Variants in EYS observed in about 807,000 individuals in gnomAD.
EYS encodes the protein protein eyes shut homolog.
Under a neutral mutation model 282.1 loss-of-function variants are expected in EYS, and 250 were observed. The ratio of observed to expected loss-of-function variants is 0.89; its 90% CI spans 0.80 to 0.98. The LOEUF is 0.98. EYS is among the 50% of genes least tolerant of loss of function. EYS has a pLI of 0.00. For synonymous variants in EYS, 1,355 were observed against 1,282.9 expected (o/e 1.06, Z -1.20); for missense variants, 4,016 against 3,709.0 (o/e 1.08, Z -2.15).
chr6:64,945,761 T>A, intron 15 of EYS, 32 bp downstream of exon 15: 1 of 1,543,000 alleles, frequency 6.5e-7, no homozygotes, highest in East Asian at 2.5e-5. Context: ...TCCAAGTAAT[T>A]TCATGAAGAA....
chr6:64,952,378 G>T (rs1372417022), intron 14 of EYS, among the ~76,000 whole-genome samples: 1 of 152,020 alleles, frequency 6.6e-6, no homozygotes, highest in East Asian at 1.9e-4. Flanking sequence ...TAATTTCAAG[G>T]CACATCAGAA....
intron 11 of EYS, among the ~76,000 whole-genome samples, chr6:65,321,454 G>T (rs1176598286): frequency 6.6e-6 from 1 of 152,066 alleles, no homozygotes; most frequent in East Asian, 1.9e-4. Flanking sequence ...TTCCAAGATT[G>T]AGGGCAGAGG....
At chr6:65,013,113 G>T (rs181790030) in intron 13 of EYS, among the ~76,000 whole-genome samples, 252 of 152,206 alleles carry the variant, frequency 1.7e-3, no homozygotes, top group African/African-American at 5.5e-3. Flanking sequence ...AAGTTCCCAT[G>T]CATACCCTTT....
chr6:63,844,566 T>C (rs2149699333), intron 36 of EYS, among the ~76,000 whole-genome samples: 2 of 152,330 alleles, frequency 1.3e-5, no homozygotes, highest in Middle Eastern at 6.8e-3. Flanking sequence ...TGTAAGAGGA[T>C]ATCTCATTGT....
chr6:64,173,206 C>T lies in EYS; in HGVS notation c.6424+57386G>A, dbSNP rs566101022. On this transcript the variant is annotated intron_variant, in intron 31 of 42. Transcript: ENST00000503581. ...CAGTGAAAATTAAATGACTTCATAT[C>T]TGTAAAGTTCTTGTCATAATGCCTA... 8.5e-4 allele frequency among the ~76,000 whole-genome samples: 129 copies of T among 152,246 alleles called. 4 individuals carry two copies. In the South Asian group the frequency reaches 0.027, roughly 32 times the overall value.
intron 2 of EYS, among the ~76,000 whole-genome samples, chr6:65,602,848 C>A (rs1263512665): frequency 6.6e-6 from 1 of 151,886 alleles, no homozygotes; most frequent in African/African-American, 2.4e-5. Flanking sequence ...GCGTGACACA[C>A]TTTTAAGTTT....
intron 1 of EYS, among the ~76,000 whole-genome samples, chr6:65,670,941 C>A (rs1375852073): frequency 6.6e-6 from 1 of 151,608 alleles, no homozygotes; most frequent in Non-Finnish European, 1.5e-5. Flanking sequence ...CATTTAACAA[C>A]CCATCTTTTA....
intron 11 of EYS, among the ~76,000 whole-genome samples, chr6:65,311,730 ATATT>A (rs1251883806): frequency 6.6e-6 from 1 of 152,190 alleles, no homozygotes; most frequent in African/African-American, 2.4e-5. Flanking sequence ...TACTAATACA[ATATT>A]TATCCTCTGT....
intron 26 of EYS, among the ~76,000 whole-genome samples, chr6:64,500,554 T>A (rs573359355): frequency 6.6e-6 from 1 of 152,254 alleles, no homozygotes; most frequent in Admixed American, 6.5e-5. Context: ...TGGCAAAATT[T>A]TTTTGTGTCA....
chr6:64,868,669 G>A (rs1429550304), intron 19 of EYS, among the ~76,000 whole-genome samples: 1 of 151,484 alleles, frequency 6.6e-6, no homozygotes, highest in Admixed American at 6.6e-5. Flanking sequence ...TCTCCATATG[G>A]AAGGAGGATA....
intron 15 of EYS, among the ~76,000 whole-genome samples, chr6:64,920,599 C>T (rs1193229623): frequency 6.6e-6 from 1 of 151,892 alleles, no homozygotes; most frequent in African/African-American, 2.4e-5. Context: ...GCATCTTTTT[C>T]AATGCTTAAA....
rs530501046 is a variant in EYS, at chr6:65,051,970, A to G, written c.2137+5644T>C. Among the ~76,000 whole-genome samples the G allele has an allele frequency of 1.2e-3, 182 of 151,678 alleles. 1 individual carries two copies. In the South Asian group the frequency reaches 0.036, roughly 30 times the overall value. The stretch of plus-strand genomic sequence containing the variant: ...CCTGAAATGCACTTTGCTTCTTTAA[A>G]TACTTCATTGGTAAGTAAGACACTT... On this transcript the variant is annotated intron_variant, in intron 13 of 42. Coordinates refer to ENST00000503581, the MANE Select transcript of EYS (RefSeq NM_001142800.2).
intron 1 of EYS, among the ~76,000 whole-genome samples, chr6:65,653,535 C>T (rs1767724358): frequency 6.6e-6 from 1 of 151,884 alleles, no homozygotes; most frequent in African/African-American, 2.4e-5. Flanking sequence ...CACTTCAGCT[C>T]AGATATCATA....
chr6:64,518,653 T>G (rs945626561), intron 26 of EYS, among the ~76,000 whole-genome samples: 1 of 151,684 alleles, frequency 6.6e-6, no homozygotes, highest in Non-Finnish European at 1.5e-5. Context: ...CATCTTGAAT[T>G]GTAGCTCCCA....
intron 28 of EYS, among the ~76,000 whole-genome samples, chr6:64,406,572 G>T (rs1286316655): frequency 6.6e-6 from 1 of 152,064 alleles, no homozygotes; most frequent in Non-Finnish European, 1.5e-5. Flanking sequence ...ATCTGACAAA[G>T]GGCTAATATC....
intron 5 of EYS, among the ~76,000 whole-genome samples, chr6:65,423,008 CAT>C (rs1767525151): frequency 6.6e-6 from 1 of 151,616 alleles, no homozygotes; most frequent in African/African-American, 2.4e-5. Context: ...TCAAAAAGCA[CAT>C]GACAATAGAA....
chr6:64,100,711 T>G (rs1772796345), intron 31 of EYS, among the ~76,000 whole-genome samples: 1 of 152,194 alleles, frequency 6.6e-6, no homozygotes, highest in Non-Finnish European at 1.5e-5. Flanking sequence ...AGTTGAGAAT[T>G]TCTTCAACCA....
intron 26 of EYS, among the ~76,000 whole-genome samples, chr6:64,569,026 G>GAAAAAAAAA (rs4034162): frequency 2.9e-4 from 29 of 101,598 alleles, no homozygotes; most frequent in East Asian, 9.4e-4. Flanking sequence ...AGATGGAAAA[G>GAAAAAAAAA]AAAAAAAAAA....
At chr6:63,776,833 T>C (rs569797875) in intron 40 of EYS, among the ~76,000 whole-genome samples, 1 of 152,210 alleles carries the variant, frequency 6.6e-6, no homozygotes, top group Non-Finnish European at 1.5e-5. Flanking sequence ...TCCCTGTTTA[T>C]TATCACATAA....
Sources: gnomAD v4.1 joint callset for allele counts (sites outside exome capture counted in the v4.1 genomes callset) on GRCh38, gnomAD v4.1.1 for gene constraint, MANE v1.5 for transcripts, NCBI Gene and HGNC (gene_info 2026-07-23, HGNC 2026-07-21) for gene names.